The following FBXO10 variants were observed in gnomAD, a reference collection of about 807,000 sequenced individuals.
FBXO10 encodes the protein F-box only protein 10.
FBXO10 carries 39 observed loss-of-function variants against 80.7 expected under a neutral mutation model. The ratio of observed to expected loss-of-function variants is 0.48; its 90% CI spans 0.37 to 0.63. FBXO10 has a LOEUF of 0.63. FBXO10 is among the 30% of genes least tolerant of loss of function. The pLI, the probability that FBXO10 is intolerant of heterozygous loss-of-function variation, is 0.00. For missense variants in FBXO10, 1,025 were observed against 1,269.0 expected (o/e 0.81, Z 2.92); for synonymous variants, 449 against 489.6 (o/e 0.92, Z 1.09).
At position 37,518,158 on chromosome 9, in the gene FBXO10, G is replaced by A. The variant is rs763970145; in HGVS notation, c.2481C>T (p.Ser827=). 19 of 1,613,772 alleles carry A rather than the reference G, an allele frequency of 1.2e-5. No individual in the cohort carries two copies. Among genetic ancestry groups the A allele is most frequent in the Middle Eastern group, 1.6e-4 (1 of 6,084 alleles). Residue 827 remains serine, a synonymous_variant, in exon 9 of 11, where the codon AGC becomes AGT. Transcript: ENST00000432825. Reference sequence around the variant, plus strand: ...CGGACCTGGGCAGCAGCTGCAGCCCGCTGCCCCGGTTGCCAATGATATCGT... The same window carrying A: ...CGGACCTGGGCAGCAGCTGCAGCCCACTGCCCCGGTTGCCAATGATATCGT... ...IENDIIGNRG[S]GLQLLPRSDT...
intron 1 of FBXO10, among the ~76,000 whole-genome samples, chr9:37,564,469 G>C (rs1343700256): frequency 6.6e-6 from 1 of 152,140 alleles, no homozygotes; most frequent in African/African-American, 2.4e-5. Context: ...TGCATCATGT[G>C]CCTGGAAAAG....
Position 37,541,597 on chromosome 9 carries a change from G to T in FBXO10, c.172C>A (p.Pro58Thr). The T allele has an allele frequency of 6.2e-7, 1 of 1,613,786 alleles. No individual in the cohort carries two copies. Among genetic ancestry groups the T allele is most frequent in the Non-Finnish European group, 8.5e-7 (1 of 1,179,800 alleles). The stretch of plus-strand genomic sequence containing the variant: ...ACATCTGGCTGGTTGGGCCAATTGG[G>T]ATGGCGGCACTCGGTGCAACCCAGA... The part of the protein sequence containing the change: ...LCLGCTECRH[P>T]NWPNQPDVEP... Residue 58 changes from proline (P) to threonine (T), a missense_variant, in exon 2 of 11, where the codon CCC becomes ACC. Pro to Thr is a conservative substitution (Grantham distance 38). Coordinates refer to ENST00000432825, the MANE Select transcript of FBXO10 (RefSeq NM_012166.3).
intron 3 of FBXO10, among the ~76,000 whole-genome samples, chr9:37,534,124 T>C (rs1821696058): frequency 6.6e-6 from 1 of 152,004 alleles, no homozygotes; most frequent in Non-Finnish European, 1.5e-5. Flanking sequence ...AAATCTGGAA[T>C]GTTTATCTAT....
intron 5 of FBXO10, among the ~76,000 whole-genome samples, chr9:37,526,284 G>A (rs1821469685): frequency 6.6e-6 from 1 of 152,128 alleles, no homozygotes; most frequent in African/African-American, 2.4e-5. Flanking sequence ...AACTTTCTGT[G>A]GCAAAAATAG....
At chr9:37,557,309 T>C (rs1339182440) in intron 1 of FBXO10, among the ~76,000 whole-genome samples, 1 of 152,232 alleles carries the variant, frequency 6.6e-6, no homozygotes, top group East Asian at 1.9e-4. Flanking sequence ...CTTCATATCC[T>C]TGCACTCTAC....
Position 37,530,776 on chromosome 9 carries a change from A to T in FBXO10, c.1569+1133T>A, listed in dbSNP as rs1312990081. 2.0e-5 allele frequency among the ~76,000 whole-genome samples: 3 copies of T among 152,044 alleles called. No individual in the cohort carries two copies. The South Asian group carries it at 6.2e-4, about 32-fold the overall frequency. On this transcript the variant is annotated intron_variant, in intron 4 of 10. Coordinates refer to ENST00000432825, the MANE Select transcript of FBXO10 (RefSeq NM_012166.3). ...CACCTCCGCCTCCCAAGTATCTGGGACGACAGGTGTGAGCTACCATGCCCA... is the reference window on the plus strand; with the variant it reads ...CACCTCCGCCTCCCAAGTATCTGGGTCGACAGGTGTGAGCTACCATGCCCA...
At chr9:37,519,452 C>G (rs1040177358) in intron 8 of FBXO10, among the ~76,000 whole-genome samples, 2 of 105,380 alleles carry the variant, frequency 1.9e-5, no homozygotes, top group African/African-American at 3.7e-5. Flanking sequence ...GAGGGCTCTG[C>G]GGTAGGTCCC....
chr9:37,532,922 C>T, intron 3 of FBXO10, among the ~76,000 whole-genome samples: 1 of 152,210 alleles, frequency 6.6e-6, no homozygotes, highest in East Asian at 1.9e-4. Context: ...CAGTAAGGTA[C>T]CACACAGGTT....
chr9:37,518,955 G>C (rs1185414135), intron 8 of FBXO10, among the ~76,000 whole-genome samples: 2 of 151,606 alleles, frequency 1.3e-5, no homozygotes, highest in African/African-American at 4.9e-5. Context: ...TGTCGCCCAG[G>C]TTGGAGTGCG....
chr9:37,516,410 C>T (rs563231227), intron 9 of FBXO10, among the ~76,000 whole-genome samples: 94 of 152,162 alleles, frequency 6.2e-4, no homozygotes, highest in Non-Finnish European at 1.0e-3. Flanking sequence ...CCAACTGAGA[C>T]GAAAGTGTGT....
intron 1 of FBXO10, among the ~76,000 whole-genome samples, chr9:37,566,939 T>C (rs1822621388): frequency 6.6e-6 from 1 of 152,170 alleles, no homozygotes; most frequent in Non-Finnish European, 1.5e-5. Context: ...CTTGGAGCCA[T>C]AAGGACCCTC....
At chr9:37,522,742 C>A (rs1317090652) in intron 7 of FBXO10, 83 bp downstream of exon 7, 1 of 1,468,758 alleles carries the variant, frequency 6.8e-7, no homozygotes, top group African/African-American at 1.4e-5. Flanking sequence ...CAGGGAAAGG[C>A]AGTGACCTTC....
rs989728274 is a variant in FBXO10, at chr9:37,512,642, T to C, written c.2776A>G (p.Asn926Asp). The change falls in exon 11 of 11, where the codon AAT becomes GAT. Residue 926 changes from asparagine (N) to aspartate (D), a missense_variant. This residue lies in a region of FBXO10 where 97 missense variants were observed against 101.8 expected (regional missense o/e 0.95). Transcript: ENST00000432825. ...NSLRRPSAAH[N>D]GQKVTAMATR... ...GCCATGGCTGTCACCTTCTGCCCAT[T>C]GTGGGCTGCCGAGGGACGTCTGAGA... 2.5e-6 allele frequency: 4 copies of C among 1,613,936 alleles called. No homozygotes were observed. The highest frequency in any genetic ancestry group is 1.1e-5 in the South Asian group (1 of 91,070).
intron 5 of FBXO10, 27 bp downstream of exon 5, chr9:37,529,097 A>G: frequency 1.2e-6 from 2 of 1,613,604 alleles, no homozygotes; most frequent in Non-Finnish European, 8.5e-7. Context: ...GTTAACAAAG[A>G]TGAAGGAGGG....
intron 3 of FBXO10, among the ~76,000 whole-genome samples, chr9:37,535,197 G>A (rs1037517746): frequency 6.6e-6 from 1 of 151,986 alleles, no homozygotes; most frequent in Non-Finnish European, 1.5e-5. Context: ...TAACTAGATC[G>A]ACCTCCTAAG....
chr9:37,513,325 A>G (rs915998216), intron 10 of FBXO10, among the ~76,000 whole-genome samples: 3 of 152,120 alleles, frequency 2.0e-5, no homozygotes, highest in African/African-American at 4.8e-5. Flanking sequence ...TTTCAGCTCT[A>G]TGACCACAAA....
intron 1 of FBXO10, among the ~76,000 whole-genome samples, chr9:37,559,741 C>T (rs1212149115): frequency 6.6e-6 from 1 of 152,218 alleles, no homozygotes; most frequent in African/African-American, 2.4e-5. Context: ...TCATCCACAG[C>T]TTGCTTTTCT....
rs1176016943 is a variant in FBXO10 at position 37,517,038 on chromosome 9, C to T, written c.2515-953G>A. ...TCAGCCATAAAACAGAATGAAATAA[C>T]AGCCTTTGCAGCAATTTGGATGGAC... On this transcript the variant is annotated intron_variant, in intron 9 of 10. Transcript: ENST00000432825. Among the ~76,000 whole-genome samples, 6 of 150,936 alleles carry T rather than the reference C, an allele frequency of 4.0e-5. No individual in the cohort carries two copies. The East Asian group carries it at 5.8e-4, about 15-fold the overall frequency.
At chr9:37,554,375 G>C (rs1822283325) in intron 1 of FBXO10, among the ~76,000 whole-genome samples, 1 of 152,136 alleles carries the variant, frequency 6.6e-6, no homozygotes, top group Non-Finnish European at 1.5e-5. Context: ...ATTCGATGGA[G>C]GCTCATCCTA....
Sources: gnomAD v4.1 joint callset for allele counts (sites outside exome capture counted in the v4.1 genomes callset) on GRCh38, gnomAD v4.1.1 for gene constraint, gnomAD v4.1.1 regional missense constraint, MANE v1.5 for transcripts, NCBI Gene and HGNC (gene_info 2026-07-23, HGNC 2026-07-21) for gene names.